GPC5: variants seen among roughly 807,000 people sequenced by gnomAD.
The protein encoded by GPC5 is glypican 5, also known as glypican-5.
A neutral mutation model predicts 53.9 loss-of-function variants in GPC5; 47 were observed. That is an observed-to-expected ratio of 0.87 (90% CI 0.69 to 1.11). The LOEUF is 1.11. GPC5 is among the 50% of genes most tolerant of loss of function. The probability of loss-of-function intolerance (pLI) is 0.00; values close to 1 mark genes in which losing one functional copy is unlikely to be tolerated. For missense variants in GPC5, 748 were observed against 713.1 expected (o/e 1.05, Z -0.56); for synonymous variants, 286 against 263.3 (o/e 1.09, Z -0.84).
intron 6 of GPC5, chr13:91,996,223 G>T (rs904903946): frequency 3.3e-5 from 5 of 152,206 alleles, no homozygotes; most frequent in African/African-American, 1.2e-4. Context: ...TTTGGAGGCT[G>T]CTCTCCACGT....
intron 6 of GPC5, among the ~76,000 whole-genome samples, chr13:92,141,998 C>G (rs1182984204): frequency 6.6e-6 from 1 of 152,078 alleles, no homozygotes; most frequent in African/African-American, 2.4e-5. Context: ...AGCTCCTCAC[C>G]CTCACATCTC....
chr13:92,644,108 G>A (rs1280413356), intron 7 of GPC5, among the ~76,000 whole-genome samples: 1 of 152,110 alleles, frequency 6.6e-6, no homozygotes, highest in Non-Finnish European at 1.5e-5. Flanking sequence ...AAATCCTGAG[G>A]AGGATTTTTA....
intron 5 of GPC5, among the ~76,000 whole-genome samples, chr13:91,770,238 TC>T (rs1438380365): frequency 6.6e-6 from 1 of 152,118 alleles, no homozygotes; most frequent in Non-Finnish European, 1.5e-5. Context: ...GGGCATGCCA[TC>T]CTCCCAGCAT....
At chr13:92,755,638 T>A (rs1225032873) in intron 7 of GPC5, among the ~76,000 whole-genome samples, 4 of 141,276 alleles carry the variant, frequency 2.8e-5, no homozygotes, top group Non-Finnish European at 6.2e-5. Context: ...TAAAAAATGA[T>A]AAAGGGGATA....
At position 92,475,878 on chromosome 13, in the gene GPC5, A is replaced by G. The variant is rs761712829; in HGVS notation, c.1561+330889A>G. Among the ~76,000 whole-genome samples the G allele has an allele frequency of 1.8e-4, 28 of 152,176 alleles. No individual in the cohort carries two copies. In the East Asian group the frequency reaches 3.5e-3, roughly 19 times the overall value. On this transcript the variant is annotated intron_variant, in intron 7 of 7. Coordinates refer to ENST00000377067, the MANE Select transcript of GPC5 (RefSeq NM_004466.6). ...AAACTGGATCCCTTCCTTACACCTT[A>G]TACAAAAATCAATTCAAGATGGATT...
chr13:92,130,444 A>C (rs767539997), intron 6 of GPC5, among the ~76,000 whole-genome samples: 47 of 152,208 alleles, frequency 3.1e-4, no homozygotes, highest in Admixed American at 2.0e-3. Flanking sequence ...TTACAAACAC[A>C]CACACACACA....
chr13:92,000,144 T>C (rs1212633068), intron 6 of GPC5, among the ~76,000 whole-genome samples: 1 of 152,186 alleles, frequency 6.6e-6, no homozygotes, highest in Non-Finnish European at 1.5e-5. Context: ...TACCTGCTTG[T>C]GCACCCTTCT....
chr13:91,946,384 G>A (rs2039974714), intron 6 of GPC5, among the ~76,000 whole-genome samples: 1 of 151,992 alleles, frequency 6.6e-6, no homozygotes, highest in Admixed American at 6.6e-5. Context: ...TACTCCATAT[G>A]CTTCTCCATC....
intron 3 of GPC5, among the ~76,000 whole-genome samples, chr13:91,701,779 C>A (rs2035998228): frequency 6.6e-6 from 1 of 152,058 alleles, no homozygotes; most frequent in Non-Finnish European, 1.5e-5. Context: ...ATCTCTTCCA[C>A]ATACTGATTT....
chr13:92,139,394 G>A (rs532904773), intron 6 of GPC5, among the ~76,000 whole-genome samples: 2 of 152,228 alleles, frequency 1.3e-5, no homozygotes, highest in East Asian at 1.9e-4. Context: ...ATGGCTGGGC[G>A]CAGTGGCTCA....
intron 7 of GPC5, among the ~76,000 whole-genome samples, chr13:92,735,749 C>T (rs191254009): frequency 1.5e-4 from 23 of 152,064 alleles, no homozygotes; most frequent in East Asian, 5.8e-4. Context: ...TATCAGCTTT[C>T]GCAGCTATCT....
At chr13:92,658,919 G>GTTTTTTTTTTT (rs1358143857) in intron 7 of GPC5, 7 of 96,048 alleles carry the variant, frequency 7.3e-5, no homozygotes, top group African/African-American at 2.1e-4. Flanking sequence ...AGTTGTATAT[G>GTTTTTTTTTTT]TTTTGTTTTT....
At chr13:92,424,392 C>T (rs1325359414) in intron 7 of GPC5, among the ~76,000 whole-genome samples, 1 of 151,824 alleles carries the variant, frequency 6.6e-6, no homozygotes, top group Non-Finnish European at 1.5e-5. Context: ...TATTAAATAG[C>T]TATGTACAAA....
At chr13:92,543,426 G>GT (rs35241884) in intron 7 of GPC5, among the ~76,000 whole-genome samples, 7 of 141,540 alleles carry the variant, frequency 4.9e-5, no homozygotes, top group Middle Eastern at 3.7e-3. Context: ...TTATTTTGAT[G>GT]TTTTTTTTCT....
At chr13:92,584,020 C>T (rs967289467) in intron 7 of GPC5, among the ~76,000 whole-genome samples, 2 of 152,148 alleles carry the variant, frequency 1.3e-5, no homozygotes, top group African/African-American at 4.8e-5. Flanking sequence ...TCCAATGAAA[C>T]CTCTTTCTTT....
chr13:91,409,560 G>T (rs528728329), intron 1 of GPC5, among the ~76,000 whole-genome samples: 2 of 152,232 alleles, frequency 1.3e-5, no homozygotes, highest in Non-Finnish European at 2.9e-5. Context: ...TAGTAGTTAT[G>T]ACAAACCATG....
chr13:92,746,083 C>A (rs1217383257), intron 7 of GPC5, among the ~76,000 whole-genome samples: 1 of 151,940 alleles, frequency 6.6e-6, no homozygotes, highest in Admixed American at 6.6e-5. Flanking sequence ...TCATTTTAAC[C>A]AGTCCAACAA....
intron 3 of GPC5, among the ~76,000 whole-genome samples, chr13:91,717,039 G>A (rs1240527358): frequency 6.6e-6 from 1 of 152,202 alleles, no homozygotes; most frequent in African/African-American, 2.4e-5. Flanking sequence ...CACCGGGGAC[G>A]TGCAAACCAA....
intron 7 of GPC5, among the ~76,000 whole-genome samples, chr13:92,649,389 T>C (rs9523752): frequency 0.31 from 46,629 of 152,002 alleles, 9,174 homozygotes; most frequent in Non-Finnish European, 0.45. Flanking sequence ...GCTTTGTTTA[T>C]TTAACAAAAC....
Sources: gnomAD v4.1 joint callset for allele counts (sites outside exome capture counted in the v4.1 genomes callset) on GRCh38, gnomAD v4.1.1 for gene constraint, MANE v1.5 for transcripts, NCBI Gene and HGNC (gene_info 2026-07-23, HGNC 2026-07-21) for gene names.